The following DLG2 variants were observed in gnomAD, a reference collection of about 807,000 sequenced individuals.
The protein encoded by DLG2 is discs large MAGUK scaffold protein 2.
In DLG2, 45 loss-of-function variants were observed where a neutral mutation model predicts 132.5. That is an observed-to-expected ratio of 0.34 (90% CI 0.27 to 0.44). The LOEUF (loss-of-function observed/expected upper bound fraction) is 0.44, where lower values mean the gene tolerates loss of function less well. Ranked by LOEUF, DLG2 falls within the 20% of genes least tolerant of loss-of-function variation. The probability of loss-of-function intolerance (pLI) is 1.00; values close to 1 mark genes in which losing one functional copy is unlikely to be tolerated. For missense variants in DLG2, 1,045 were observed against 1,196.9 expected (o/e 0.87, Z 1.87); for synonymous variants, 424 against 419.6 (o/e 1.01, Z -0.13).
chr11:85,367,073 T>C (rs1344738618), intron 3 of DLG2, among the ~76,000 whole-genome samples: 1 of 152,180 alleles, frequency 6.6e-6, no homozygotes, highest in Non-Finnish European at 1.5e-5. Flanking sequence ...GCAATGTATT[T>C]AGCGTTAACA....
At chr11:83,630,578 C>G (rs889754100) in intron 19 of DLG2, among the ~76,000 whole-genome samples, 58 of 152,270 alleles carry the variant, frequency 3.8e-4, no homozygotes, top group African/African-American at 1.3e-3. Flanking sequence ...AGAATTTCTC[C>G]TCTCCTTATT....
intron 4 of DLG2, among the ~76,000 whole-genome samples, chr11:85,265,463 C>G (rs1341649110): frequency 6.6e-6 from 1 of 152,138 alleles, no homozygotes; most frequent in African/African-American, 2.4e-5. Context: ...CATTTGGCTC[C>G]AAGGCCTATG....
At chr11:84,686,245 C>G (rs2099738055) in intron 6 of DLG2, among the ~76,000 whole-genome samples, 1 of 152,134 alleles carries the variant, frequency 6.6e-6, no homozygotes, top group Non-Finnish European at 1.5e-5. Flanking sequence ...CCATAAGAGG[C>G]TGTCAAATCC....
intron 6 of DLG2, among the ~76,000 whole-genome samples, chr11:84,742,963 G>C (rs1254449856): frequency 6.6e-6 from 1 of 152,006 alleles, no homozygotes; most frequent in African/African-American, 2.4e-5. Flanking sequence ...GAATAAAGCT[G>C]TTGTAATTTT....
intron 3 of DLG2, among the ~76,000 whole-genome samples, chr11:85,316,044 A>C (rs571005909): frequency 1.3e-5 from 2 of 152,108 alleles, no homozygotes; most frequent in East Asian, 3.9e-4. Context: ...CTTTTAAATA[A>C]ACTAAAGGGT....
At chr11:84,502,402 CTTTCTTTCTT>C (rs1567807348) in intron 7 of DLG2, among the ~76,000 whole-genome samples, 251 of 96,606 alleles carry the variant, frequency 2.6e-3, no homozygotes, top group Middle Eastern at 0.014. Flanking sequence ...TTCTTTCTTT[CTTTCTTTCTT>C]TCTATACAGA....
At chr11:84,480,379 A>C (rs991420599) in intron 7 of DLG2, among the ~76,000 whole-genome samples, 1 of 152,150 alleles carries the variant, frequency 6.6e-6, no homozygotes, top group Non-Finnish European at 1.5e-5. Flanking sequence ...AATCCTTGAG[A>C]GTTGCATCAG....
At chr11:83,789,996 C>G in intron 17 of DLG2, 1 of 1,371,292 alleles carries the variant, frequency 7.3e-7, no homozygotes, top group South Asian at 2.4e-5. Flanking sequence ...TGTAAATAAT[C>G]CTTCATTTTG....
At chr11:83,554,284 T>A (rs922338463) in intron 19 of DLG2, among the ~76,000 whole-genome samples, 6 of 152,202 alleles carry the variant, frequency 3.9e-5, no homozygotes, top group Non-Finnish European at 7.3e-5. Flanking sequence ...TTACTGAACA[T>A]TGACAACATG....
chr11:83,732,487 T>C (rs1359734910), intron 18 of DLG2, among the ~76,000 whole-genome samples: 1 of 152,198 alleles, frequency 6.6e-6, no homozygotes, highest in Non-Finnish European at 1.5e-5. Context: ...AACTCACAGA[T>C]AACCCTAAAC....
intron 7 of DLG2, among the ~76,000 whole-genome samples, chr11:84,303,755 C>CA (rs2098183908): frequency 6.6e-6 from 1 of 152,098 alleles, no homozygotes; most frequent in South Asian, 2.1e-4. Flanking sequence ...AACAAATAAA[C>CA]AAAGGAAACA....
chr11:83,891,183 G>A (rs1271963503), intron 15 of DLG2, among the ~76,000 whole-genome samples: 1 of 152,050 alleles, frequency 6.6e-6, no homozygotes, highest in Admixed American at 6.6e-5. Context: ...AGGTTGTGAT[G>A]GAAAGAAGTG....
At chr11:84,115,450 T>C (rs1437502573) in intron 9 of DLG2, among the ~76,000 whole-genome samples, 3 of 152,190 alleles carry the variant, frequency 2.0e-5, no homozygotes, top group Non-Finnish European at 4.4e-5. Context: ...TTTGCAACCC[T>C]GAGCATTTTG....
At chr11:83,706,984 C>A (rs545657493) in intron 18 of DLG2, among the ~76,000 whole-genome samples, 1 of 152,340 alleles carries the variant, frequency 6.6e-6, no homozygotes, top group Admixed American at 6.5e-5. Flanking sequence ...ATCAAGCAAA[C>A]ATAGATACTT....
chr11:84,216,658 G>A (rs1324473981), intron 8 of DLG2, among the ~76,000 whole-genome samples: 2 of 152,284 alleles, frequency 1.3e-5, no homozygotes, highest in Non-Finnish European at 2.9e-5. Context: ...GAGAATAAAA[G>A]GAGCAGCGGA....
rs559581485 is a variant in DLG2 at position 84,006,757 on chromosome 11, C to T, written c.920-26115G>A. Among the ~76,000 whole-genome samples the T allele has an allele frequency of 3.3e-5, 5 of 151,284 alleles. No individual in the cohort carries two copies. In the East Asian group the frequency reaches 9.7e-4, roughly 29 times the overall value. The stretch of plus-strand genomic sequence containing the variant: ...ATCATTTATTCCTTCTCAAATTTGC[C>T]TTTTTTCTTTACTATATTCAGTAAT... On this transcript the variant is annotated intron_variant, in intron 11 of 27. Transcript: ENST00000376104.
chr11:83,801,438 G>A lies in DLG2; in HGVS notation c.1723-14646C>T, dbSNP rs541881772. Among the ~76,000 whole-genome samples the A allele has an allele frequency of 2.6e-5, 4 of 151,970 alleles. No homozygotes were observed. The East Asian group carries it at 5.8e-4, about 22-fold the overall frequency. On this transcript the variant is annotated intron_variant, in intron 17 of 27. Coordinates refer to ENST00000376104, the MANE Select transcript of DLG2 (RefSeq NM_001142699.3). ...GAATGAAATTCAAACTCCTTTCCTCGGGCTCTGCCTATCCCTCTTATTCCA... is the reference window on the plus strand; with the variant it reads ...GAATGAAATTCAAACTCCTTTCCTCAGGCTCTGCCTATCCCTCTTATTCCA...
intron 8 of DLG2, among the ~76,000 whole-genome samples, chr11:84,232,911 G>GCAATGCCCA (rs2097111755): frequency 6.6e-6 from 1 of 152,166 alleles, no homozygotes; most frequent in Non-Finnish European, 1.5e-5. Flanking sequence ...CTTAGTTCCA[G>GCAATGCCCA]CAATGCCCAT....
intron 14 of DLG2, among the ~76,000 whole-genome samples, chr11:83,939,200 C>T (rs1242320913): frequency 6.6e-6 from 1 of 152,190 alleles, no homozygotes; most frequent in Non-Finnish European, 1.5e-5. Flanking sequence ...TTGTTAGCCT[C>T]TGGATTGGCA....
Sources: allele counts gnomAD v4.1 joint callset (sites outside exome capture counted in the v4.1 genomes callset), GRCh38; gene constraint gnomAD v4.1.1; transcripts MANE v1.5; gene names NCBI Gene and HGNC (gene_info 2026-07-23, HGNC 2026-07-21).